Variants in BICC1 observed in about 807,000 individuals in gnomAD.
The protein encoded by BICC1 is protein bicaudal C homolog 1.
BICC1 carries 43 observed loss-of-function variants against 111.0 expected under a neutral mutation model. The ratio of observed to expected loss-of-function variants is 0.39; its 90% confidence interval spans 0.30 to 0.50. BICC1 has a LOEUF of 0.50. Among genes scored for constraint, BICC1 ranks in the 20% least tolerant of loss-of-function variants. The pLI is 0.88. For missense variants in BICC1, 1,091 were observed against 1,203.2 expected (o/e 0.91, Z 1.38); for synonymous variants, 467 against 434.4 (o/e 1.07, Z -0.93).
chr10:58,628,360 A>C (rs534973726), intron 2 of BICC1, among the ~76,000 whole-genome samples: 2 of 152,210 alleles, frequency 1.3e-5, no homozygotes, highest in African/African-American at 4.8e-5. Context: ...TGTGTCTTTT[A>C]TATAACAGTT....
intron 1 of BICC1, 74 bp from the exon 2 acceptor site, chr10:58,620,781 A>G (rs770923346): frequency 4.3e-5 from 62 of 1,437,064 alleles, no homozygotes; most frequent in Non-Finnish European, 5.6e-5. Context: ...TTGCATTCTC[A>G]TATCTGATGC....
At chr10:58,828,650 C>T in intron 20 of BICC1, 111 bp from the exon 21 acceptor site, 1 of 1,181,340 alleles carries the variant, frequency 8.5e-7, no homozygotes, top group Non-Finnish European at 1.2e-6. Flanking sequence ...CCAGACTTGA[C>T]TTTCCTCAAA....
At chr10:58,553,793 A>G (rs1161588158) in intron 1 of BICC1, among the ~76,000 whole-genome samples, 1 of 151,738 alleles carries the variant, frequency 6.6e-6, no homozygotes, top group Non-Finnish European at 1.5e-5. Context: ...TTTGTGTGCT[A>G]ACACTTCTTT....
At chr10:58,630,624 G>T (rs1837764625) in intron 2 of BICC1, among the ~76,000 whole-genome samples, 1 of 152,096 alleles carries the variant, frequency 6.6e-6, no homozygotes, top group African/African-American at 2.4e-5. Flanking sequence ...TGTCCCTAGA[G>T]TCTTCCCCTT....
chr10:58,809,168 A>G (rs929039567), intron 17 of BICC1, among the ~76,000 whole-genome samples: 2 of 150,472 alleles, frequency 1.3e-5, no homozygotes, highest in African/African-American at 2.5e-5. Context: ...GATTACAGGC[A>G]TGCGCCACAA....
chr10:58,653,148 A>G (rs2076652656), intron 2 of BICC1, among the ~76,000 whole-genome samples: 2 of 152,168 alleles, frequency 1.3e-5, no homozygotes, highest in South Asian at 4.1e-4. Context: ...TAAAATATGA[A>G]GTATATTTAG....
intron 2 of BICC1, among the ~76,000 whole-genome samples, chr10:58,670,207 T>A (rs186054551): frequency 1.3e-5 from 2 of 152,250 alleles, no homozygotes; most frequent in Non-Finnish European, 2.9e-5. Context: ...TTGATGCATT[T>A]CAAACTAATG....
chr10:58,702,663 C>A (rs573444075), intron 3 of BICC1, among the ~76,000 whole-genome samples: 1 of 152,250 alleles, frequency 6.6e-6, no homozygotes, highest in Middle Eastern at 3.4e-3. Context: ...GGACACTACC[C>A]AGTGCATAGA....
At chr10:58,548,763 G>A (rs1443296798) in intron 1 of BICC1, among the ~76,000 whole-genome samples, 2 of 152,082 alleles carry the variant, frequency 1.3e-5, no homozygotes, top group East Asian at 3.9e-4. Flanking sequence ...TCATATTTAT[G>A]TATATGCATA....
intron 1 of BICC1, among the ~76,000 whole-genome samples, chr10:58,613,245 G>A (rs539708789): frequency 2.0e-5 from 3 of 152,204 alleles, no homozygotes; most frequent in South Asian, 2.1e-4. Flanking sequence ...ATAATCCAGG[G>A]TTTTTACATC....
chr10:58,595,790 CAAAATT>C (rs2132054427), intron 1 of BICC1, among the ~76,000 whole-genome samples: 1 of 152,048 alleles, frequency 6.6e-6, no homozygotes, highest in Admixed American at 6.5e-5. Flanking sequence ...ACCCTAATGT[CAAAATT>C]AAAAGAACTA....
intron 9 of BICC1, among the ~76,000 whole-genome samples, chr10:58,795,048 T>G (rs965802794): frequency 6.6e-6 from 1 of 152,138 alleles, no homozygotes; most frequent in Non-Finnish European, 1.5e-5. Context: ...CACACAAAAA[T>G]CATGATGAGT....
At chr10:58,783,969 G>T (rs1383086053) in intron 3 of BICC1, among the ~76,000 whole-genome samples, 1 of 152,048 alleles carries the variant, frequency 6.6e-6, no homozygotes. Flanking sequence ...CCACCCTGAG[G>T]CTTTGGCTCT....
At chr10:58,652,282 A>G (rs1490176193) in intron 2 of BICC1, among the ~76,000 whole-genome samples, 3 of 152,188 alleles carry the variant, frequency 2.0e-5, no homozygotes, top group African/African-American at 7.2e-5. Flanking sequence ...TTGGATAAGT[A>G]AAAATTTGGG....
At chr10:58,526,726 G>A (rs1322634840) in intron 1 of BICC1, among the ~76,000 whole-genome samples, 1 of 152,084 alleles carries the variant, frequency 6.6e-6, no homozygotes, top group African/African-American at 2.4e-5. Flanking sequence ...ATGGTTTCCC[G>A]CTTCATCCAT....
intron 2 of BICC1, among the ~76,000 whole-genome samples, chr10:58,648,918 A>G (rs1249994285): frequency 6.6e-6 from 1 of 152,192 alleles, no homozygotes; most frequent in Non-Finnish European, 1.5e-5. Context: ...TGGCCCTGGC[A>G]TTCTGAAGAG....
At chr10:58,817,445 A>C in intron 18 of BICC1, 117 bp from the exon 19 acceptor site, 2 of 1,087,552 alleles carry the variant, frequency 1.8e-6, no homozygotes, top group Non-Finnish European at 2.8e-6. Context: ...TTCTACAGCT[A>C]CTGCCCTATT....
intron 20 of BICC1, among the ~76,000 whole-genome samples, chr10:58,825,901 G>T (rs1034992925): frequency 3.9e-5 from 6 of 151,902 alleles, no homozygotes; most frequent in African/African-American, 1.5e-4. Flanking sequence ...GGAAAAAGTT[G>T]AATTGCTTGA....
At chr10:58,653,923 T>C (rs1414809645) in intron 2 of BICC1, among the ~76,000 whole-genome samples, 1 of 150,362 alleles carries the variant, frequency 6.7e-6, no homozygotes, top group Non-Finnish European at 1.5e-5. Flanking sequence ...TGAGTGAGAC[T>C]ATGCGGTGTT....
Sources: allele counts gnomAD v4.1 joint callset (sites outside exome capture counted in the v4.1 genomes callset), GRCh38; gene constraint gnomAD v4.1.1; transcripts MANE v1.5; gene names NCBI Gene and HGNC (gene_info 2026-07-23, HGNC 2026-07-21).